The following DUSP16 variants were observed in gnomAD, a reference collection of about 807,000 sequenced individuals.
DUSP16 encodes dual specificity phosphatase 16.
DUSP16 carries 21 observed loss-of-function variants against 58.3 expected under a neutral mutation model. That is an observed-to-expected ratio of 0.36 (90% confidence interval 0.26 to 0.52). The LOEUF (loss-of-function observed/expected upper bound fraction) is 0.52, where lower values mean the gene tolerates loss of function less well. Ranked by LOEUF, DUSP16 falls within the 20% of genes least tolerant of loss-of-function variation. The probability of loss-of-function intolerance (pLI) is 0.94; values close to 1 mark genes in which losing one functional copy is unlikely to be tolerated. For missense variants in DUSP16, 726 were observed against 819.0 expected (o/e 0.89, Z 1.39); for synonymous variants, 320 against 323.8 (o/e 0.99, Z 0.12).
chr12:12,561,876 G>A (rs942560401), intron 1 of DUSP16, among the ~76,000 whole-genome samples: 2 of 150,448 alleles, frequency 1.3e-5, no homozygotes, highest in African/African-American at 2.4e-5. Flanking sequence ...GCCAGCCTCC[G>A]GCCAGGCCTA....
At chr12:12,496,340 G>A (rs1254637482) in intron 4 of DUSP16, among the ~76,000 whole-genome samples, 1 of 152,156 alleles carries the variant, frequency 6.6e-6, no homozygotes, top group East Asian at 1.9e-4. Context: ...ATTGTGTTTA[G>A]GCTATTTGTT....
At chr12:12,551,561 G>A (rs1944727400) in intron 1 of DUSP16, among the ~76,000 whole-genome samples, 1 of 151,644 alleles carries the variant, frequency 6.6e-6, no homozygotes, top group Non-Finnish European at 1.5e-5. Context: ...TCGCCACCAA[G>A]ATCTTGACCA....
rs1943381877 is a variant in DUSP16 at position 12,474,558 on chromosome 12, C to T, written c.*2275G>A. On this transcript the variant is annotated 3_prime_UTR_variant, in exon 7 of 7. Coordinates refer to ENST00000298573, the MANE Select transcript of DUSP16 (RefSeq NM_030640.3). ...ATCCAAGCAGCTCCAGAGCCTGCCT[C>T]CGAGGCCACCCCTTCGCCACGGCAG... 1 of 152,390 alleles carries T rather than the reference C, an allele frequency of 6.6e-6. No homozygotes were observed. 9.4% of individuals were successfully genotyped at this position (152,390 alleles called of 1,614,324 possible).
rs952875589 is a variant in DUSP16 at position 12,526,668 on chromosome 12, C to G, written c.-365-5205G>C. ...AATCCTTTTTTTAAGATTATTTTTA[C>G]GTGATTATATTAAGGATCTTCTTCT... On this transcript the variant is annotated intron_variant, in intron 1 of 6. Transcript: ENST00000298573. Among the ~76,000 whole-genome samples the G allele has an allele frequency of 4.6e-5, 7 of 152,178 alleles. 1 individual carries two copies. In the South Asian group the frequency reaches 1.5e-3, roughly 32 times the overall value.
intron 1 of DUSP16, among the ~76,000 whole-genome samples, chr12:12,529,512 G>A (rs1252172200): frequency 6.6e-6 from 1 of 152,178 alleles, no homozygotes; most frequent in Non-Finnish European, 1.5e-5. Flanking sequence ...ACTAACAAGT[G>A]CATTACCACA....
intron 3 of DUSP16, among the ~76,000 whole-genome samples, chr12:12,516,823 A>G (rs1324629987): frequency 6.6e-6 from 1 of 152,236 alleles, no homozygotes; most frequent in African/African-American, 2.4e-5. Flanking sequence ...AGGTAAGCTA[A>G]TATCAAAATA....
Position 12,477,832 on chromosome 12 carries a change from G to A in DUSP16, c.999C>T (p.Ser333=), listed in dbSNP as rs748196842. 1.1e-5 allele frequency: 17 copies of A among 1,613,930 alleles called. No homozygotes were observed. The highest frequency in any genetic ancestry group is 1.6e-4 in the Middle Eastern group (1 of 6,084). ...VPAVSEGGQK[S]ETPLSPPCAD... ...CACAGGGTGGACTGAGGGGCGTCTC[G>A]CTTTTCTGTCCACCCTCTGAGACAG... Residue 333 remains serine, a synonymous_variant, in exon 7 of 7, where the codon AGC becomes AGT. Transcript: ENST00000298573. The surrounding 1 kb of genome is among the most constrained non-coding windows in gnomAD (Gnocchi z 4.1).
intron 3 of DUSP16, among the ~76,000 whole-genome samples, chr12:12,502,290 G>C (rs1943921087): frequency 1.3e-5 from 2 of 152,180 alleles, no homozygotes; most frequent in African/African-American, 2.4e-5. Flanking sequence ...GCTCAGTGCA[G>C]GGTCCTCAAT....
intron 1 of DUSP16, among the ~76,000 whole-genome samples, chr12:12,549,396 A>G (rs1454912977): frequency 6.6e-6 from 1 of 152,094 alleles, no homozygotes; most frequent in African/African-American, 2.4e-5. Flanking sequence ...CCATTCTTCC[A>G]GGCCCAGCAC....
chr12:12,507,040 A>T (rs532424942), intron 3 of DUSP16, among the ~76,000 whole-genome samples: 11 of 152,138 alleles, frequency 7.2e-5, no homozygotes, highest in Non-Finnish European at 1.5e-4. Context: ...CCACCATTCC[A>T]TTTTGGGGGG....
intron 1 of DUSP16, among the ~76,000 whole-genome samples, chr12:12,533,427 G>A (rs763199147): frequency 1.3e-5 from 2 of 152,158 alleles, no homozygotes; most frequent in Admixed American, 6.5e-5. Flanking sequence ...CATTCCAGGC[G>A]TGGCCTTCAA....
At chr12:12,534,023 C>T (rs535577030) in intron 1 of DUSP16, among the ~76,000 whole-genome samples, 3 of 152,302 alleles carry the variant, frequency 2.0e-5, no homozygotes, top group East Asian at 1.9e-4. Context: ...CAAACTAAAA[C>T]GGGTAACTCT....
rs1392585760 is a variant in DUSP16, at chr12:12,509,717, C to T, written c.368-9035G>A. On this transcript the variant is annotated intron_variant, in intron 3 of 6. Transcript: ENST00000298573. Reference sequence around the variant, plus strand: ...TCAGCATTTAGCATAGTGCCTGGCACATAATTAGAATTCAATAAATGTTTA... The same window carrying T: ...TCAGCATTTAGCATAGTGCCTGGCATATAATTAGAATTCAATAAATGTTTA... Among the ~76,000 whole-genome samples, 7 of 152,262 alleles carry T rather than the reference C, an allele frequency of 4.6e-5. No homozygotes were observed. In the South Asian group the frequency reaches 8.3e-4, roughly 18 times the overall value.
chr12:12,546,599 T>C (rs895209351), intron 1 of DUSP16, among the ~76,000 whole-genome samples: 2 of 152,144 alleles, frequency 1.3e-5, no homozygotes, highest in Admixed American at 6.5e-5. Context: ...CAGAAAGCAA[T>C]ATAGATGTCA....
Position 12,477,164 on chromosome 12 carries a change from C to T in DUSP16, c.1667G>A (p.Ser556Asn). The T allele has an allele frequency of 6.2e-7, 1 of 1,614,192 alleles. No homozygotes were observed. The highest frequency in any genetic ancestry group is 8.5e-7 in the Non-Finnish European group (1 of 1,180,030). ...TGAGGACTCTGTGGCAAAATACCAG[C>T]TGCTGGTCAGGGAAGGGGTAGAGGT... Reference protein sequence around the residue: ...PQTSTPSLTSSWYFATESSHF... With the variant: ...PQTSTPSLTSNWYFATESSHF... Residue 556 changes from serine (S) to asparagine (N), a missense_variant, in exon 7 of 7, where the codon AGC (serine) becomes AAC (asparagine). Physicochemically the swap from Ser to Asn is conservative, Grantham distance 46. Coordinates refer to ENST00000298573, the MANE Select transcript of DUSP16 (RefSeq NM_030640.3). The surrounding 1 kb of genome is among the most constrained non-coding windows in gnomAD (Gnocchi z 4.1).
At chr12:12,503,872 G>T (rs1943947768) in intron 3 of DUSP16, among the ~76,000 whole-genome samples, 1 of 152,126 alleles carries the variant, frequency 6.6e-6, no homozygotes, top group Non-Finnish European at 1.5e-5. Context: ...ATAGCTAGTA[G>T]AATTCACACT....
At chr12:12,509,477 G>A (rs1443226648) in intron 3 of DUSP16, among the ~76,000 whole-genome samples, 22 of 149,446 alleles carry the variant, frequency 1.5e-4, no homozygotes, top group Admixed American at 1.1e-3. Flanking sequence ...ATTCTGTTGC[G>A]TTTAAAGAAA....
chr12:12,483,137 G>A (rs1362994514), intron 5 of DUSP16, among the ~76,000 whole-genome samples: 2 of 152,144 alleles, frequency 1.3e-5, no homozygotes, highest in African/African-American at 4.8e-5. Flanking sequence ...CTAAAATCTA[G>A]GTTAAGAAAG....
At chr12:12,530,707 G>C (rs889747103) in intron 1 of DUSP16, among the ~76,000 whole-genome samples, 1 of 152,046 alleles carries the variant, frequency 6.6e-6, no homozygotes, top group African/African-American at 2.4e-5. Flanking sequence ...CCTGTAACAA[G>C]AAAGATTACT....
Sources: allele counts gnomAD v4.1 joint callset (sites outside exome capture counted in the v4.1 genomes callset), GRCh38; gene constraint gnomAD v4.1.1; non-coding constraint Gnocchi (gnomAD v3.1); transcripts MANE v1.5; gene names NCBI Gene and HGNC (gene_info 2026-07-23, HGNC 2026-07-21).